Variants in PLTP observed in about 807,000 individuals in gnomAD.
PLTP encodes the protein BPI fold containing family E.
PLTP carries 43 observed loss-of-function variants against 54.1 expected under a neutral mutation model. That is an observed-to-expected ratio of 0.79 (90% CI 0.62 to 1.02). The LOEUF is 1.02. Ranked by LOEUF, PLTP falls within the 50% of genes least tolerant of loss-of-function variation. The pLI, the probability that PLTP is intolerant of heterozygous loss-of-function variation, is 0.00. For synonymous variants in PLTP, 263 were observed against 264.6 expected, an observed-to-expected ratio of 0.99 and a Z score of 0.06; for missense variants, 604 against 645.9, an observed-to-expected ratio of 0.94 and a Z score of 0.70.
Position 45,899,705 on chromosome 20 carries a change from A to C in PLTP, c.1219-20T>G, listed in dbSNP as rs2083160021. The C allele has an allele frequency of 6.2e-7, 1 of 1,613,984 alleles. No individual in the cohort carries two copies. Among genetic ancestry groups the C allele is most frequent in the Admixed American group, 1.7e-5 (1 of 59,986 alleles). On this transcript the variant is annotated intron_variant, in intron 13 of 15. Transcript: ENST00000372431. ...GATCAGCTGGGAGGGGCGAGGGCGG[A>C]AACAGGGCAGTGAGTCAGGGTTGGG...
chr20:45,909,228 G>T (rs922478216), intron 5 of PLTP, among the ~76,000 whole-genome samples: 1 of 152,130 alleles, frequency 6.6e-6, no homozygotes, highest in African/African-American at 2.4e-5. Flanking sequence ...CTCCCAAATT[G>T]CTGGGATTTC....
At chr20:45,902,733 G>A (rs1601158177) in intron 10 of PLTP, 129 bp from the exon 11 acceptor site, 7 of 957,998 alleles carry the variant, frequency 7.3e-6, no homozygotes, top group South Asian at 5.2e-5. Context: ...TACAGAGGGA[G>A]CTCTGGCTTC....
At chr20:45,901,238 A>T (rs868513385) in intron 12 of PLTP, among the ~76,000 whole-genome samples, 11 of 152,358 alleles carry the variant, frequency 7.2e-5, no homozygotes, top group Middle Eastern at 3.4e-3. Context: ...CATATTGGAT[A>T]GCACAGCCCT....
intron 13 of PLTP, 70 bp downstream of exon 13, chr20:45,899,766 G>A: frequency 6.3e-7 from 1 of 1,598,136 alleles, no homozygotes; most frequent in Non-Finnish European, 8.6e-7. Flanking sequence ...GCAGTTATAT[G>A]AGGAGGGGGG....
chr20:45,904,237 G>A (rs1412904454), intron 10 of PLTP, among the ~76,000 whole-genome samples: 1 of 152,138 alleles, frequency 6.6e-6, no homozygotes, highest in Non-Finnish European at 1.5e-5. Flanking sequence ...GCCAAAAATG[G>A]GTGATCACTT....
chr20:45,909,905 C>T, intron 4 of PLTP, 37 bp downstream of exon 4: 1 of 1,612,880 alleles, frequency 6.2e-7, no homozygotes, highest in South Asian at 1.1e-5. Context: ...GCCCTCCTGA[C>T]CCACTCTCCA....
At chr20:45,901,887 G>A (rs1172609419) in intron 12 of PLTP, among the ~76,000 whole-genome samples, 1 of 129,212 alleles carries the variant, frequency 7.7e-6, no homozygotes, top group Non-Finnish European at 1.6e-5. Context: ...CAACAAGAGC[G>A]AAACTCCTTC....
chr20:45,906,826 G>A (rs1325999505), intron 7 of PLTP, among the ~76,000 whole-genome samples: 1 of 116,154 alleles, frequency 8.6e-6, no homozygotes, highest in African/African-American at 2.7e-5. Context: ...GGGAGGTGGA[G>A]GTTGCAGGGA....
intron 7 of PLTP, among the ~76,000 whole-genome samples, chr20:45,907,200 G>A (rs1179527482): frequency 2.0e-5 from 3 of 151,468 alleles, no homozygotes; most frequent in Non-Finnish European, 2.9e-5. Flanking sequence ...GGTGGTGCAC[G>A]CCTGTAGTCC....
In PLTP at chr20:45,898,825, G is replaced by T; in HGVS notation, c.*116C>A. The T allele has an allele frequency of 1.7e-6, 2 of 1,191,440 alleles. No homozygotes were observed. The highest frequency in any genetic ancestry group is 2.4e-6 in the Non-Finnish European group (2 of 850,146). 73.8% of individuals were successfully genotyped at this position (1,191,440 alleles called of 1,614,324 possible). A position where few individuals can be genotyped will look rare whatever the true frequency, so the allele number is the denominator to read the frequency against. ...TAAATTGGGTACAGCTTCAAATCCC[G>T]TCTTCTCTGTGGCACTGGGGGTTAG... On this transcript the variant is annotated 3_prime_UTR_variant, in exon 16 of 16. Coordinates refer to ENST00000372431, the MANE Select transcript of PLTP (RefSeq NM_006227.4). This position sits in a 1 kb window ranked among gnomAD's most constrained non-coding sequence, Gnocchi z 4.6.
intron 12 of PLTP, among the ~76,000 whole-genome samples, chr20:45,900,153 C>T (rs1206661907): frequency 7.5e-6 from 1 of 133,002 alleles, no homozygotes; most frequent in African/African-American, 2.8e-5. Flanking sequence ...GTGTCGCCCA[C>T]GCTGGAGTGC....
At chr20:45,907,970 A>G in intron 5 of PLTP, 66 bp from the exon 6 acceptor site, 1 of 1,360,016 alleles carries the variant, frequency 7.4e-7, no homozygotes, top group Non-Finnish European at 1.0e-6. Context: ...GTCCAGGAGA[A>G]ATCAGTGACT....
At chr20:45,899,749 C>A (rs56235473) in intron 13 of PLTP, 64 bp from the exon 14 acceptor site, 26,354 of 1,607,404 alleles carry the variant, frequency 0.016, 276 homozygotes, top group Non-Finnish European at 0.019. Context: ...TAGCTGCCCG[C>A]AGGTGAGCAG....
intron 6 of PLTP, 36 bp from the exon 7 acceptor site, chr20:45,907,791 A>G (rs1216155764): frequency 1.2e-6 from 2 of 1,611,076 alleles, no homozygotes; most frequent in Non-Finnish European, 8.5e-7. Context: ...GCCTTCTCAA[A>G]GTGAGAGCAT....
At chr20:45,903,936 C>A (rs2083211219) in intron 10 of PLTP, among the ~76,000 whole-genome samples, 1 of 152,144 alleles carries the variant, frequency 6.6e-6, no homozygotes, top group Non-Finnish European at 1.5e-5. Flanking sequence ...TGGGCTCAAG[C>A]AATTTTCCTA....
At position 45,911,405 on chromosome 20, in the gene PLTP, A is replaced by G. The variant is rs2145843390; in HGVS notation, c.48T>C (p.His16=). Residue 16 remains histidine, a synonymous_variant, in exon 2 of 16, where the codon CAT becomes CAC. Coordinates refer to ENST00000372431, the MANE Select transcript of PLTP (RefSeq NM_006227.4). ...ALFLALLAGA[H]AEFPGCKIRV... is the part of the protein sequence containing the mutation. Reference sequence around the variant, plus strand: ...GGATCTTGCAGCCTGGGAACTCTGCATGTGCGCCTGCCAGCAGCGCTAGGA... The same window carrying G: ...GGATCTTGCAGCCTGGGAACTCTGCGTGTGCGCCTGCCAGCAGCGCTAGGA... 6.2e-7 allele frequency: 1 copy of G among 1,609,340 alleles called. No individual in the cohort carries two copies.
chr20:45,907,427 T>G (rs1568775761), intron 7 of PLTP, among the ~76,000 whole-genome samples: 1 of 152,024 alleles, frequency 6.6e-6, no homozygotes, highest in Non-Finnish European at 1.5e-5. Flanking sequence ...GGGATGCCAG[T>G]GATCAGCATG....
In PLTP at chr20:45,899,845, C is replaced by T. The variant is rs2083163437; in HGVS notation, c.1209G>A (p.Glu403=). ...FRIYSNHSAL[E]SLALIPLQAP... The stretch of plus-strand genomic sequence containing the variant: ...ACCCTTCCCCACTCACAGCCAGCGA[C>T]TCCAGTGCAGAATGGTTGGAATAGA... Residue 403 remains glutamate (E), a synonymous_variant, in exon 13 of 16, where the codon GAG becomes GAA. Transcript: ENST00000372431. 5 of 1,543,602 alleles carry T rather than the reference C, an allele frequency of 3.2e-6. No individual in the cohort carries two copies. Among genetic ancestry groups the T allele is most frequent in the Non-Finnish European group, 4.4e-6 (5 of 1,145,592 alleles).
At chr20:45,911,940 A>G in intron 1 of PLTP, 139 bp downstream of exon 1, 1 of 221,142 alleles carries the variant, frequency 4.5e-6, no homozygotes, top group Non-Finnish European at 9.3e-6. Flanking sequence ...TCAGGTCCTA[A>G]ATCTCTCCCA....
Sources: allele counts gnomAD v4.1 joint callset (sites outside exome capture counted in the v4.1 genomes callset), GRCh38; gene constraint gnomAD v4.1.1; non-coding constraint Gnocchi (gnomAD v3.1); transcripts MANE v1.5; gene names NCBI Gene and HGNC (gene_info 2026-07-23, HGNC 2026-07-21).